The following ZNF407 variants were observed in gnomAD, a reference collection of about 807,000 sequenced individuals.
The protein encoded by ZNF407 is zinc finger protein 407.
Under a neutral mutation model 131.2 loss-of-function variants are expected in ZNF407, and 17 were observed. The observed-to-expected ratio is 0.13, with a 90% confidence interval of 0.09 to 0.19. ZNF407 has a LOEUF of 0.19. Among genes scored for constraint, ZNF407 ranks in the 10% least tolerant of loss-of-function variants. The pLI, the probability that ZNF407 is intolerant of heterozygous loss-of-function variation, is 1.00. For synonymous variants in ZNF407, 1,156 were observed against 1,062.0 expected (o/e 1.09, Z -1.72); for missense variants, 2,681 against 2,830.6 (o/e 0.95, Z 1.20).
intron 3 of ZNF407, among the ~76,000 whole-genome samples, chr18:74,734,695 GTGTGTGTGTGTGTGTT>G (rs950598434): frequency 1.4e-5 from 2 of 146,728 alleles, no homozygotes; most frequent in African/African-American, 5.4e-5. Context: ...GTGTGTGTGT[GTGTGTGTGTGTGTGTT>G]TTTGAGAGAA....
At chr18:74,968,646 C>T (rs915858018) in intron 8 of ZNF407, among the ~76,000 whole-genome samples, 1 of 152,164 alleles carries the variant, frequency 6.6e-6, no homozygotes, top group African/African-American at 2.4e-5. Context: ...GAGAAATCTG[C>T]TTTTGTTTGA....
At chr18:74,843,415 C>CAT (rs144397588) in intron 4 of ZNF407, among the ~76,000 whole-genome samples, 2,804 of 152,184 alleles carry the variant, frequency 0.018, 41 homozygotes, top group Non-Finnish European at 0.03. Flanking sequence ...CCAGTGGAGA[C>CAT]ATATATATAT....
rs572880329 is a variant in ZNF407, at chr18:74,935,172, T to A, written c.5428+14480T>A. 4.6e-5 allele frequency among the ~76,000 whole-genome samples: 7 copies of A among 152,344 alleles called. 1 individual carries two copies. The South Asian group carries it at 1.5e-3, about 32-fold the overall frequency. On this transcript the variant is annotated intron_variant, in intron 8 of 8. Coordinates refer to ENST00000299687, the MANE Select transcript of ZNF407 (RefSeq NM_017757.3). The stretch of plus-strand genomic sequence containing the variant: ...TAGTACAAAATGACAGACATGAAAA[T>A]GCTCAGATAGTTCTCTTGCAATTTT...
chr18:74,778,690 G>A (rs1474698754), intron 3 of ZNF407, among the ~76,000 whole-genome samples: 1 of 152,096 alleles, frequency 6.6e-6, no homozygotes, highest in African/African-American at 2.4e-5. Flanking sequence ...GTCAAGCTTA[G>A]TGTCACTGCA....
At chr18:75,021,184 C>T (rs961957086) in intron 8 of ZNF407, among the ~76,000 whole-genome samples, 2 of 152,032 alleles carry the variant, frequency 1.3e-5, no homozygotes, top group African/African-American at 4.8e-5. Flanking sequence ...CATAGATTGA[C>T]CTCAGGCAGA....
At chr18:75,038,175 A>C (rs1189545074) in intron 8 of ZNF407, among the ~76,000 whole-genome samples, 1 of 152,262 alleles carries the variant, frequency 6.6e-6, no homozygotes, top group African/African-American at 2.4e-5. Context: ...CTGTTAGCAC[A>C]GAAGAATTTC....
At chr18:74,623,583 C>T (rs1983658232) in intron 1 of ZNF407, among the ~76,000 whole-genome samples, 1 of 152,242 alleles carries the variant, frequency 6.6e-6, no homozygotes, top group South Asian at 2.1e-4. Context: ...TCAAATTCTT[C>T]CCGAAATGCC....
intron 4 of ZNF407, among the ~76,000 whole-genome samples, chr18:74,872,776 A>G (rs892003857): frequency 2.0e-5 from 3 of 151,624 alleles, no homozygotes; most frequent in Admixed American, 1.3e-4. Flanking sequence ...GAAAAAAAAA[A>G]AAAAGAAAAG....
intron 8 of ZNF407, among the ~76,000 whole-genome samples, chr18:75,010,879 A>G (rs1437287460): frequency 1.3e-5 from 2 of 152,142 alleles, no homozygotes; most frequent in Admixed American, 1.3e-4. Context: ...AGTCCATGAA[A>G]TGCTGCCCTG....
At chr18:74,921,318 T>G (rs931707170) in intron 8 of ZNF407, among the ~76,000 whole-genome samples, 2 of 152,202 alleles carry the variant, frequency 1.3e-5, no homozygotes, top group Admixed American at 6.5e-5. Flanking sequence ...GTAAAGCAGA[T>G]CCGTTCCTCC....
intron 8 of ZNF407, among the ~76,000 whole-genome samples, chr18:74,977,500 A>C (rs1464579830): frequency 6.6e-6 from 1 of 152,256 alleles, no homozygotes; most frequent in Non-Finnish European, 1.5e-5. Flanking sequence ...ACGTTTTCAC[A>C]TCAAAGATGG....
intron 1 of ZNF407, among the ~76,000 whole-genome samples, chr18:74,629,128 G>A (rs1290600406): frequency 6.6e-6 from 1 of 152,206 alleles, no homozygotes; most frequent in Non-Finnish European, 1.5e-5. Flanking sequence ...TTAAAGAACT[G>A]GTAGACTGTT....
In ZNF407 at chr18:74,676,585, C is replaced by T. The variant is rs1001113902; in HGVS notation, c.4802+35463C>T. On this transcript the variant is annotated intron_variant, in intron 3 of 8. Coordinates refer to ENST00000299687, the MANE Select transcript of ZNF407 (RefSeq NM_017757.3). ...CCGAGTAGCTGGGACTACAGGCGCC[C>T]ACCACCGTGCCCGGGTAATTTTGTA... 8.4e-4 allele frequency among the ~76,000 whole-genome samples: 126 copies of T among 150,806 alleles called. 1 individual carries two copies. The highest frequency in any genetic ancestry group is 3.3e-3 in the Admixed American group (50 of 15,118).
chr18:74,720,714 A>T (rs1968011120), intron 3 of ZNF407, among the ~76,000 whole-genome samples: 1 of 152,152 alleles, frequency 6.6e-6, no homozygotes, highest in Non-Finnish European at 1.5e-5. Flanking sequence ...ATTCTTCTGC[A>T]AATGAATATC....
intron 4 of ZNF407, among the ~76,000 whole-genome samples, chr18:74,859,818 C>G (rs1433153884): frequency 1.3e-5 from 2 of 152,106 alleles, no homozygotes; most frequent in Non-Finnish European, 2.9e-5. Context: ...CAGGATAGGA[C>G]CTGGCCCCAT....
At chr18:74,901,329 T>G (rs570576933) in intron 7 of ZNF407, among the ~76,000 whole-genome samples, 3 of 152,226 alleles carry the variant, frequency 2.0e-5, no homozygotes, top group Non-Finnish European at 4.4e-5. Context: ...TTTTTCAACC[T>G]TAAAAACAGT....
At chr18:74,657,942 TTTC>T (rs1985544740) in intron 3 of ZNF407, among the ~76,000 whole-genome samples, 1 of 150,198 alleles carries the variant, frequency 6.7e-6, no homozygotes, top group Non-Finnish European at 1.5e-5. Context: ...TTCTCCCTCC[TTTC>T]TTTTTTCTCT....
chr18:74,741,339 T>A (rs1968544989), intron 3 of ZNF407, among the ~76,000 whole-genome samples: 1 of 152,156 alleles, frequency 6.6e-6, no homozygotes, highest in South Asian at 2.1e-4. Context: ...GTTATAAATA[T>A]AAATGTATAT....
intron 8 of ZNF407, among the ~76,000 whole-genome samples, chr18:74,948,948 G>A (rs1175876310): frequency 6.6e-6 from 1 of 152,186 alleles, no homozygotes; most frequent in African/African-American, 2.4e-5. Context: ...AAATTAGACA[G>A]CACACTAGTG....
Sources: allele counts gnomAD v4.1 joint callset (sites outside exome capture counted in the v4.1 genomes callset), GRCh38; gene constraint gnomAD v4.1.1; transcripts MANE v1.5; gene names NCBI Gene and HGNC (gene_info 2026-07-23, HGNC 2026-07-21).